The following CCDC136 variants were observed in gnomAD, a reference collection of about 807,000 sequenced individuals.
The protein encoded by CCDC136 is coiled-coil domain-containing protein 136.
A neutral mutation model predicts 141.2 loss-of-function variants in CCDC136; 100 were observed. That is an observed-to-expected ratio of 0.71 (90% confidence interval 0.60 to 0.84). CCDC136 has a LOEUF of 0.84. Ranked by LOEUF, CCDC136 falls within the 40% of genes least tolerant of loss-of-function variation. The probability of loss-of-function intolerance (pLI) is 0.00; values close to 1 mark genes in which losing one functional copy is unlikely to be tolerated. For missense variants in CCDC136, 1,206 were observed against 1,379.4 expected, an observed-to-expected ratio of 0.87 and a Z score of 1.99; for synonymous variants, 474 against 531.9, an observed-to-expected ratio of 0.89 and a Z score of 1.50.
In CCDC136 at chr7:128,809,477, G is replaced by T; in HGVS notation, c.1633G>T (p.Glu545Ter). ...KCDTLLSRLT[E>*]LQEKYKASQK... Reference sequence around the variant, plus strand: ...TGACACACTGCTGTCCAGACTGACAGAATTGCAGGAAAAGTACAAGGCCAG... The same window carrying T: ...TGACACACTGCTGTCCAGACTGACATAATTGCAGGAAAAGTACAAGGCCAG... Residue 545 changes from glutamate to a stop codon, truncating the protein, a stop_gained, in exon 11 of 18, where the codon GAA (glutamate) becomes TAA (stop). Transcript: ENST00000297788. LOFTEE classifies it high-confidence loss of function. The T allele has an allele frequency of 6.6e-7, 1 of 1,512,352 alleles. No individual in the cohort carries two copies. 93.7% of individuals were successfully genotyped at this position (1,512,352 alleles called of 1,614,324 possible). A position where few individuals can be genotyped will look rare whatever the true frequency, so the allele number is the denominator to read the frequency against.
At chr7:128,809,189 G>A in intron 10 of CCDC136, 1 of 403,964 alleles carries the variant, frequency 2.5e-6, no homozygotes, top group Admixed American at 4.3e-5. Flanking sequence ...CCATCAAACT[G>A]CCCCCAGAAA....
In CCDC136 at chr7:128,805,996, C is replaced by T. The variant is rs13233226; in HGVS notation, c.1089+95C>T. 1.4e-6 allele frequency: 2 copies of T among 1,413,588 alleles called. No individual in the cohort carries two copies. Among genetic ancestry groups the T allele is most frequent in the Admixed American group, 1.8e-5 (1 of 54,766 alleles). 87.6% of individuals were successfully genotyped at this position (1,413,588 alleles called of 1,614,324 possible). Reference sequence around the variant, plus strand: ...GGTGGGCACAGTGAGTATGGCTGTGCTCTGCTGACTCTTGCCCTGCAACTG... The same window carrying T: ...GGTGGGCACAGTGAGTATGGCTGTGTTCTGCTGACTCTTGCCCTGCAACTG... On this transcript the variant is annotated intron_variant, in intron 7 of 17. Coordinates refer to ENST00000297788, the MANE Select transcript of CCDC136 (RefSeq NM_022742.5). The surrounding 1 kb of genome is among the most constrained non-coding windows in gnomAD (Gnocchi z 4.6).
chr7:128,800,162 A>G (rs1803784465), intron 3 of CCDC136, among the ~76,000 whole-genome samples: 1 of 152,248 alleles, frequency 6.6e-6, no homozygotes, highest in African/African-American at 2.4e-5. Context: ...AAATTAGATC[A>G]TAGCATATAT....
At position 128,801,514 on chromosome 7, in the gene CCDC136, G is replaced by A; in HGVS notation, c.670+5G>A. On this transcript the variant is annotated splice_donor_5th_base_variant and intron_variant, in intron 4 of 17. Coordinates refer to ENST00000297788, the MANE Select transcript of CCDC136 (RefSeq NM_022742.5). ...CAGATTACTCTGGGTTACAAGGTATGAGAGCCATCAAGTGGGTCAGTAAAG... is the reference window on the plus strand; with the variant it reads ...CAGATTACTCTGGGTTACAAGGTATAAGAGCCATCAAGTGGGTCAGTAAAG... 6.3e-7 allele frequency: 1 copy of A among 1,585,024 alleles called. No homozygotes were observed. The highest frequency in any genetic ancestry group is 8.6e-7 in the Non-Finnish European group (1 of 1,159,726).
intron 12 of CCDC136, 108 bp from the exon 13 acceptor site, chr7:128,811,692 G>T (rs1289562106): frequency 8.5e-5 from 84 of 989,372 alleles, no homozygotes; most frequent in Non-Finnish European, 1.2e-4. Flanking sequence ...GGAAATGTAG[G>T]TGTGCCATTC....
chr7:128,804,000 AGACAGGG>A (rs1218482285), intron 4 of CCDC136, among the ~76,000 whole-genome samples: 48 of 152,202 alleles, frequency 3.2e-4, no homozygotes, highest in Middle Eastern at 3.4e-3. Context: ...TTTTTAGTAG[AGACAGGG>A]GTTTTGCCAT....
chr7:128,794,539 G>A lies in CCDC136; in HGVS notation c.208G>A (p.Ala70Thr). The A allele has an allele frequency of 6.4e-7, 1 of 1,555,204 alleles. No individual in the cohort carries two copies. The highest frequency in any genetic ancestry group is 8.7e-7 in the Non-Finnish European group (1 of 1,149,104). Reference sequence around the variant, plus strand: ...GCGGGCTCAGGTGCTGCAGCTGGTGGCAGAACTGGAGGAGACCCGGGAACT... The same window carrying A: ...GCGGGCTCAGGTGCTGCAGCTGGTGACAGAACTGGAGGAGACCCGGGAACT... ...ELRAQVLQLV[A>T]ELEETRELAG... Residue 70 changes from alanine to threonine, a missense_variant, in exon 2 of 18, where the codon GCA becomes ACA. Transcript: ENST00000297788. The surrounding 1 kb of genome is among the most constrained non-coding windows in gnomAD (Gnocchi z 4.3).
chr7:128,814,904 C>T lies in CCDC136; in HGVS notation c.3030C>T (p.Asp1010=). 1 of 1,594,032 alleles carries T rather than the reference C, an allele frequency of 6.3e-7. No individual in the cohort carries two copies. Among genetic ancestry groups the T allele is most frequent in the Admixed American group, 1.7e-5 (1 of 57,686 alleles). ...TKPCSDTSES[D]LETRKSLEVV... The stretch of plus-strand genomic sequence containing the variant: ...CATGCTCGGATACTTCTGAGAGCGA[C>T]CTTGAGACCAGAAAGGTGAGTAGTA... Residue 1010 remains aspartate, a synonymous_variant, in exon 15 of 18, where the codon GAC becomes GAT. Transcript: ENST00000297788.
At chr7:128,791,620 ACC>A, upstream of CCDC136, 1 of 1,021,134 alleles carries the variant, frequency 9.8e-7, no homozygotes, top group Non-Finnish European at 1.3e-6. This position sits in a 1 kb window ranked among gnomAD's most constrained non-coding sequence, Gnocchi z 7.1. Flanking sequence ...CTCCTTCCAG[ACC>A]CCCAGGTGCT....
rs189804470 is a variant in CCDC136, at chr7:128,812,282, C to G, written c.2511C>G (p.Asp837Glu). 3.1e-6 allele frequency: 5 copies of G among 1,612,802 alleles called. No individual in the cohort carries two copies. Among genetic ancestry groups the G allele is most frequent in the Non-Finnish European group, 4.2e-6 (5 of 1,179,524 alleles). ...AGAGTTTTGTCAGCAGCTGCACTGA[C>G]GAGGAACCTGCTGAGCCTGAAGACA... ...CQKSFVSSCT[D>E]EEPAEPEDME... The change falls in exon 13 of 18, where the codon GAC becomes GAG. Residue 837 changes from aspartate (D) to glutamate (E), a missense_variant. Physicochemically the swap from Asp to Glu is conservative, Grantham distance 45. Transcript: ENST00000297788.
chr7:128,794,749 G>A lies in CCDC136; in HGVS notation c.327G>A (p.Lys109=), dbSNP rs549481983. Residue 109 remains lysine (K), a synonymous_variant, in exon 3 of 18, where the codon AAG becomes AAA. Transcript: ENST00000297788. This position sits in a 1 kb window ranked among gnomAD's most constrained non-coding sequence, Gnocchi z 4.3. ...ASAQQAEVFT[K]QIQQLQGELR... is the part of the protein sequence containing the mutation. The stretch of plus-strand genomic sequence containing the variant: ...CCCAGCAGGCAGAGGTGTTCACCAA[G>A]CAGATCCAGCAGCTCCAAGGTAATT... 3 of 1,551,744 alleles carry A rather than the reference G, an allele frequency of 1.9e-6. No homozygotes were observed. The highest frequency in any genetic ancestry group is 1.2e-5 in the South Asian group (1 of 84,062).
chr7:128,808,271 A>G (rs1805175389), intron 10 of CCDC136, among the ~76,000 whole-genome samples: 1 of 152,146 alleles, frequency 6.6e-6, no homozygotes, highest in African/African-American at 2.4e-5. Context: ...TCCTGACCTC[A>G]GGTGATCCAC....
Position 128,817,693 on chromosome 7 carries a change from A to G in CCDC136, c.3364-65A>G. The G allele has an allele frequency of 9.5e-7, 1 of 1,051,468 alleles. No homozygotes were observed. Among genetic ancestry groups the G allele is most frequent in the Non-Finnish European group, 1.5e-6 (1 of 665,970 alleles). The allele number at this position is 1,051,468 out of a possible 1,614,324, so 65.1% of individuals were successfully genotyped here. On this transcript the variant is annotated intron_variant, in intron 16 of 17. Coordinates refer to ENST00000297788, the MANE Select transcript of CCDC136 (RefSeq NM_022742.5). The surrounding 1 kb of genome is among the most constrained non-coding windows in gnomAD (Gnocchi z 4.6). ...CTCATCTTCATTATCTGTTGGATCC[A>G]TGCGTTTATGTCTCACATCTCCTGG... is the stretch of plus-strand genomic sequence containing the variant.
chr7:128,806,965 T>A, intron 9 of CCDC136, 107 bp downstream of exon 9: 1 of 1,191,154 alleles, frequency 8.4e-7, no homozygotes, highest in Non-Finnish European at 1.1e-6. Flanking sequence ...GAGCTGGCAG[T>A]GAGGGGGCCA....
intron 12 of CCDC136, chr7:128,811,307 C>T (rs1805671477): frequency 2.2e-6 from 1 of 456,634 alleles, no homozygotes; most frequent in Admixed American, 2.3e-5. Flanking sequence ...CCCAACATGC[C>T]CAGAGGCCAG....
rs748865308 is a variant in CCDC136 at position 128,812,694 on chromosome 7, C to G, written c.2542-14C>G. The stretch of plus-strand genomic sequence containing the variant: ...CTCCTCAGGGTGCTATTGTTGCTCC[C>G]CCACCCCCCGCAGCGCTTTGAGGAA... On this transcript the variant is annotated splice_polypyrimidine_tract_variant and intron_variant, in intron 13 of 17. Transcript: ENST00000297788. 6 of 1,604,152 alleles carry G rather than the reference C, an allele frequency of 3.7e-6. No individual in the cohort carries two copies. The highest frequency in any genetic ancestry group is 5.1e-6 in the Non-Finnish European group (6 of 1,174,996).
Position 128,814,149 on chromosome 7 carries a change from G to C in CCDC136, c.2764-489G>C, listed in dbSNP as rs140951290. Among the ~76,000 whole-genome samples, 356 of 150,978 alleles carry C rather than the reference G, an allele frequency of 2.4e-3. 2 individuals carry two copies. The highest frequency in any genetic ancestry group is 8.2e-3 in the African/African-American group (338 of 41,046). On this transcript the variant is annotated intron_variant, in intron 14 of 17. Transcript: ENST00000297788. ...TCACCAGGCTGGAGTGCAGTGGCAC[G>C]ATCTCAGCTTCCTGCAACCTCCGCC...
intron 15 of CCDC136, among the ~76,000 whole-genome samples, chr7:128,815,130 A>G (rs939310032): frequency 1.3e-5 from 2 of 152,220 alleles, no homozygotes; most frequent in Non-Finnish European, 2.9e-5. Flanking sequence ...GACAACTCAC[A>G]TCGGGAGGTG....
chr7:128,793,676 C>G (rs1802533775), intron 1 of CCDC136, among the ~76,000 whole-genome samples: 1 of 152,178 alleles, frequency 6.6e-6, no homozygotes, highest in South Asian at 2.1e-4. Flanking sequence ...GTGGCTCGAT[C>G]TCGCCTCACT....
Sources: gnomAD v4.1 joint callset for allele counts (sites outside exome capture counted in the v4.1 genomes callset) on GRCh38, gnomAD v4.1.1 for gene constraint, Gnocchi (gnomAD v3.1) non-coding constraint, MANE v1.5 for transcripts, NCBI Gene and HGNC (gene_info 2026-07-23, HGNC 2026-07-21) for gene names.